Variants in SGPL1 observed in about 807,000 individuals in gnomAD.
SGPL1 encodes the protein sphingosine-1-phosphate lyase 1.
In SGPL1, 37 loss-of-function variants were observed where a neutral mutation model predicts 68.9. The ratio of observed to expected loss-of-function variants is 0.54; its 90% CI spans 0.41 to 0.71. SGPL1 has a LOEUF of 0.71. Ranked by LOEUF, SGPL1 falls within the 30% of genes least tolerant of loss-of-function variation. The pLI, the probability that SGPL1 is intolerant of heterozygous loss-of-function variation, is 0.00. For synonymous variants in SGPL1, 236 were observed against 248.5 expected, an observed-to-expected ratio of 0.95 and a Z score of 0.47; for missense variants, 551 against 704.6, an observed-to-expected ratio of 0.78 and a Z score of 2.47.
chr10:70,876,064 C>A (rs1846379570), intron 13 of SGPL1, among the ~76,000 whole-genome samples: 2 of 152,154 alleles, frequency 1.3e-5, no homozygotes, highest in African/African-American at 4.8e-5. Context: ...CATTGCCAGT[C>A]CCATCTGGAC....
rs1846429998 is a variant in SGPL1 at position 70,878,053 on chromosome 10, AGG to A, written c.*719_*720del. On this transcript the variant is annotated 3_prime_UTR_variant, in exon 15 of 15. Transcript: ENST00000373202. ...AGGCTGGTCTTGAACTCCTGACCTC[AGG>A]TGATACCCGCCCCCCCGCCTCAGCC... is the stretch of plus-strand genomic sequence containing the variant. 6.6e-6 allele frequency: 1 copy of A among 152,092 alleles called. No homozygotes were observed. The highest frequency in any genetic ancestry group is 6.6e-5 in the Admixed American group (1 of 15,254). The allele number at this position is 152,092 out of a possible 1,614,324, so 9.4% of individuals were successfully genotyped here. A position where few individuals can be genotyped will look rare whatever the true frequency, so the allele number is the denominator to read the frequency against.
chr10:70,851,141 A>G lies in SGPL1; in HGVS notation c.194-2A>G. The G allele has an allele frequency of 6.2e-7, 1 of 1,612,052 alleles. No individual in the cohort carries two copies. Among genetic ancestry groups the G allele is most frequent in the Non-Finnish European group, 8.5e-7 (1 of 1,178,160 alleles). ...AATAAGAGAACCATTTGTTTCTTTT[A>G]GGTTTATGGTCAAGGTTTAAAAAGA... On this transcript the variant is annotated splice_acceptor_variant, in intron 3 of 14. Transcript: ENST00000373202. LOFTEE classifies it high-confidence loss of function.
intron 2 of SGPL1, among the ~76,000 whole-genome samples, chr10:70,817,337 A>T (rs1476962765): frequency 6.6e-6 from 1 of 152,224 alleles, no homozygotes; most frequent in East Asian, 1.9e-4. Context: ...TTTATTTTGG[A>T]TGAATGATCA....
At chr10:70,876,294 G>A (rs556942935) in intron 13 of SGPL1, among the ~76,000 whole-genome samples, 23 of 152,258 alleles carry the variant, frequency 1.5e-4, no homozygotes, top group African/African-American at 5.5e-4. Flanking sequence ...GTGGGACAAA[G>A]CAGCCAACAC....
chr10:70,839,139 A>G (rs1256543551), intron 2 of SGPL1, among the ~76,000 whole-genome samples: 1 of 152,202 alleles, frequency 6.6e-6, no homozygotes, highest in African/African-American at 2.4e-5. Flanking sequence ...ATTGAGTACT[A>G]TTTTGATGCC....
intron 5 of SGPL1, among the ~76,000 whole-genome samples, chr10:70,855,784 C>T (rs1308268427): frequency 6.6e-6 from 1 of 152,008 alleles, no homozygotes; most frequent in African/African-American, 2.4e-5. Flanking sequence ...TTCCCTATAC[C>T]CAGCTTCTCC....
intron 7 of SGPL1, among the ~76,000 whole-genome samples, chr10:70,863,497 A>AT (rs1251625416): frequency 1.3e-5 from 2 of 151,242 alleles, no homozygotes; most frequent in African/African-American, 4.9e-5. Flanking sequence ...TTATTTATTT[A>AT]TTTTTTTATG....
intron 2 of SGPL1, among the ~76,000 whole-genome samples, chr10:70,832,404 G>A (rs1845557449): frequency 6.6e-6 from 1 of 152,092 alleles, no homozygotes; most frequent in Non-Finnish European, 1.5e-5. Flanking sequence ...ACTGTTGTAG[G>A]GAAGGAATTT....
At chr10:70,832,727 C>T (rs1240150808) in intron 2 of SGPL1, among the ~76,000 whole-genome samples, 1 of 152,172 alleles carries the variant, frequency 6.6e-6, no homozygotes, top group Non-Finnish European at 1.5e-5. Flanking sequence ...TCTGAGAGTT[C>T]ATAGCAAACT....
intron 7 of SGPL1, among the ~76,000 whole-genome samples, chr10:70,866,919 G>A (rs1846201309): frequency 6.6e-6 from 1 of 152,142 alleles, no homozygotes; most frequent in African/African-American, 2.4e-5. Context: ...TATTATTTTA[G>A]CAAAGTTCAG....
At chr10:70,851,599 AC>A (rs940784630) in intron 4 of SGPL1, among the ~76,000 whole-genome samples, 10 of 152,092 alleles carry the variant, frequency 6.6e-5, no homozygotes, top group African/African-American at 2.4e-4. Context: ...ATTTGAGAAA[AC>A]CTGACTGTAT....
Position 70,859,564 on chromosome 10 carries a change from A to G in SGPL1, c.615+65A>G, listed in dbSNP as rs567233861. 51 of 840,610 alleles carry G rather than the reference A, an allele frequency of 6.1e-5. 1 individual carries two copies. The South Asian group carries it at 1.8e-3, about 29-fold the overall frequency. 52.1% of individuals were successfully genotyped at this position (840,610 alleles called of 1,614,324 possible). A position where few individuals can be genotyped will look rare whatever the true frequency, so the allele number is the denominator to read the frequency against. ...AGGTTAAAATAGAAGAGTTTTTAAT[A>G]AATATTAATTATATTTTAAAAAATA... On this transcript the variant is annotated intron_variant, in intron 7 of 14. Coordinates refer to ENST00000373202, the MANE Select transcript of SGPL1 (RefSeq NM_003901.4).
chr10:70,877,288 ACT>A lies in SGPL1; in HGVS notation c.1661_1662del (p.Thr554SerfsTer21). On this transcript the variant is annotated frameshift_variant, in exon 15 of 15. Coordinates refer to ENST00000373202, the MANE Select transcript of SGPL1 (RefSeq NM_003901.4). LOFTEE classifies it high-confidence loss of function. ...CTTGGACAGCTTGTACAGCACCGAC[ACT>A]GTCACCCAGGGCAGCCAGATGAATG... Reference protein sequence around the residue: ...VFLDSLYSTDTVTQGSQMNGS... With the variant: ...VFLDSLYSTDXVTQGSQMNGS... 1 of 1,614,210 alleles carries A rather than the reference ACT, an allele frequency of 6.2e-7. No homozygotes were observed. The highest frequency in any genetic ancestry group is 1.3e-5 in the African/African-American group (1 of 75,064).
intron 7 of SGPL1, chr10:70,866,285 G>T (rs1589471969): frequency 6.6e-6 from 1 of 152,116 alleles, no homozygotes; most frequent in Non-Finnish European, 1.5e-5. Flanking sequence ...TACTTTGGGG[G>T]ATGAGGTGGG....
chr10:70,858,326 T>TG (rs1168766588), intron 6 of SGPL1, among the ~76,000 whole-genome samples: 21 of 151,988 alleles, frequency 1.4e-4, no homozygotes, highest in African/African-American at 3.1e-4. Flanking sequence ...TTGTTGGAGA[T>TG]GGGGTCTCAC....
At chr10:70,864,518 T>A (rs1260568856) in intron 7 of SGPL1, among the ~76,000 whole-genome samples, 1 of 152,206 alleles carries the variant, frequency 6.6e-6, no homozygotes, top group African/African-American at 2.4e-5. Context: ...CTGGCTTTGT[T>A]TTTTTAGGTC....
At chr10:70,838,667 C>A (rs1171634541) in intron 2 of SGPL1, among the ~76,000 whole-genome samples, 2 of 152,204 alleles carry the variant, frequency 1.3e-5, no homozygotes, top group Non-Finnish European at 2.9e-5. Flanking sequence ...GAAGTAAAAT[C>A]ACTCTGAAGC....
intron 11 of SGPL1, among the ~76,000 whole-genome samples, chr10:70,872,683 C>T (rs192506844): frequency 2.8e-3 from 424 of 152,242 alleles, no homozygotes; most frequent in African/African-American, 9.6e-3. Context: ...GATCTGCAGC[C>T]GATTTTCAGT....
chr10:70,834,850 C>A (rs1176262501), intron 2 of SGPL1, among the ~76,000 whole-genome samples: 1 of 152,188 alleles, frequency 6.6e-6, no homozygotes, highest in Admixed American at 6.5e-5. Context: ...GCATTTTAAA[C>A]CAGAAGATTT....
Sources: allele counts gnomAD v4.1 joint callset (sites outside exome capture counted in the v4.1 genomes callset), GRCh38; gene constraint gnomAD v4.1.1; transcripts MANE v1.5; gene names NCBI Gene and HGNC (gene_info 2026-07-23, HGNC 2026-07-21).